Variants in ABLIM2 observed in about 807,000 individuals in gnomAD.
ABLIM2 encodes actin-binding LIM protein 2.
Under a neutral mutation model 97.7 loss-of-function variants are expected in ABLIM2, and 53 were observed. The ratio of observed to expected loss-of-function variants is 0.54; its 90% CI spans 0.44 to 0.68. The LOEUF (loss-of-function observed/expected upper bound fraction) is 0.68. Ranked by LOEUF, ABLIM2 falls within the 30% of genes least tolerant of loss-of-function variation. ABLIM2 has a pLI of 0.00. For missense variants in ABLIM2, 835 were observed against 867.2 expected (o/e 0.96, Z 0.47); for synonymous variants, 361 against 345.8 (o/e 1.04, Z -0.49).
chr4:8,009,044 C>T lies in ABLIM2; in HGVS notation c.1476+6G>A. On this transcript the variant is annotated splice_donor_region_variant and intron_variant, in intron 15 of 20. Transcript: ENST00000447017. ...GTTCTCAGCCAGATCTGCTCCCTGGCATTACCTTCCTGTTATCCTGGTCCA... is the reference window on the plus strand; with the variant it reads ...GTTCTCAGCCAGATCTGCTCCCTGGTATTACCTTCCTGTTATCCTGGTCCA... The T allele has an allele frequency of 1.2e-6, 2 of 1,614,028 alleles. No homozygotes were observed. Among genetic ancestry groups the T allele is most frequent in the South Asian group, 2.2e-5 (2 of 91,082 alleles).
chr4:8,141,396 C>T (rs1850968149), intron 1 of ABLIM2, among the ~76,000 whole-genome samples: 1 of 152,238 alleles, frequency 6.6e-6, no homozygotes, highest in Non-Finnish European at 1.5e-5. Context: ...ATGCCTCCTT[C>T]ACAGCTTTCC....
Position 8,023,255 on chromosome 4 carries a change from G to C in ABLIM2, c.1268-2952C>G, listed in dbSNP as rs999307231. 6.6e-6 allele frequency: 1 copy of C among 152,230 alleles called. No homozygotes were observed. Among genetic ancestry groups the C allele is most frequent in the Non-Finnish European group, 1.5e-5 (1 of 68,064 alleles). 9.4% of individuals were successfully genotyped at this position (152,230 alleles called of 1,614,324 possible). On this transcript the variant is annotated intron_variant, in intron 12 of 20. Transcript: ENST00000447017. This position sits in a 1 kb window ranked among gnomAD's most constrained non-coding sequence, Gnocchi z 5.7. The stretch of plus-strand genomic sequence containing the variant: ...GCCGCACGGGATTCGGGTTTCCCCG[G>C]GTGTCACCTGATGTTCTTCCGCTCC...
chr4:8,025,454 T>C (rs1776693748), intron 12 of ABLIM2, among the ~76,000 whole-genome samples: 1 of 151,350 alleles, frequency 6.6e-6, no homozygotes. Context: ...AAACTGGTGG[T>C]GGGTAGGTGG....
chr4:8,076,514 C>A lies in ABLIM2; in HGVS notation c.675+1114G>T, dbSNP rs1816101124. On this transcript the variant is annotated intron_variant, in intron 6 of 20. Coordinates refer to ENST00000447017, the MANE Select transcript of ABLIM2 (RefSeq NM_001130083.2). The stretch of plus-strand genomic sequence containing the variant: ...CCTTCCTCAGTGCCCCTCCCTACAG[C>A]CTCATCCCCAGCCCCACCCTATCCT... Among the ~76,000 whole-genome samples, 3 of 152,132 alleles carry A rather than the reference C, an allele frequency of 2.0e-5. No individual in the cohort carries two copies. In the South Asian group the frequency reaches 6.2e-4, roughly 32 times the overall value.
chr4:8,036,412 C>A lies in ABLIM2; in HGVS notation c.901-117G>T, dbSNP rs1784496973. The A allele has an allele frequency of 2.0e-5, 26 of 1,270,916 alleles. 1 individual carries two copies. The South Asian group carries it at 3.4e-4, about 17-fold the overall frequency. 78.7% of individuals were successfully genotyped at this position (1,270,916 alleles called of 1,614,324 possible). A position where few individuals can be genotyped will look rare whatever the true frequency, so the allele number is the denominator to read the frequency against. On this transcript the variant is annotated intron_variant, in intron 9 of 20. Transcript: ENST00000447017. ...TGCCCCCAAAGCCAGATGCATCCCA[C>A]AGGACAGTGCCCCCAAAGCCAGATG... is the stretch of plus-strand genomic sequence containing the variant.
rs150842671 is a variant in ABLIM2 at position 8,156,879 on chromosome 4, C to A, written c.10+1801G>T. ...CTGTGTGGGTGGAATGCCTGCTGTG[C>A]GCATCATCGGCTGGGGACAGGGCTG... On this transcript the variant is annotated intron_variant, in intron 1 of 20. Transcript: ENST00000447017. Among the ~76,000 whole-genome samples, 1,013 of 152,336 alleles carry A rather than the reference C, an allele frequency of 6.6e-3. 8 individuals carry two copies. The highest frequency in any genetic ancestry group is 0.023 in the African/African-American group (964 of 41,574).
At chr4:8,079,706 C>T (rs1203754725) in intron 5 of ABLIM2, among the ~76,000 whole-genome samples, 1 of 152,122 alleles carries the variant, frequency 6.6e-6, no homozygotes, top group African/African-American at 2.4e-5. Flanking sequence ...CATCCACCGA[C>T]GTGATTCAGG....
rs201934782 is a variant in ABLIM2 at position 8,020,318 on chromosome 4, G to T, written c.1268-15C>A. 3.7e-5 allele frequency: 60 copies of T among 1,605,550 alleles called. No individual in the cohort carries two copies. The highest frequency in any genetic ancestry group is 1.7e-4 in the Middle Eastern group (1 of 6,052). On this transcript the variant is annotated splice_polypyrimidine_tract_variant and intron_variant, in intron 12 of 20. Transcript: ENST00000447017. ...ACTTTCACTGCCTCCAGACGGAAGGGCAAAGGCAGCAGATAGAAGGGGAAA... is the reference window on the plus strand; with the variant it reads ...ACTTTCACTGCCTCCAGACGGAAGGTCAAAGGCAGCAGATAGAAGGGGAAA...
At chr4:7,997,470 G>T (rs1398752379) in intron 16 of ABLIM2, among the ~76,000 whole-genome samples, 1 of 152,172 alleles carries the variant, frequency 6.6e-6, no homozygotes, top group Non-Finnish European at 1.5e-5. Context: ...CTGAGGCTCT[G>T]TTAATTTTTC....
chr4:8,143,103 C>T (rs958730273), intron 1 of ABLIM2, among the ~76,000 whole-genome samples: 7 of 144,138 alleles, frequency 4.9e-5, no homozygotes, highest in East Asian at 4.2e-4. Flanking sequence ...CATGGCTAAA[C>T]GTCTTGAAAA....
intron 20 of ABLIM2, among the ~76,000 whole-genome samples, chr4:7,973,814 T>A (rs1730321570): frequency 6.6e-6 from 1 of 152,064 alleles, no homozygotes; most frequent in African/African-American, 2.4e-5. Context: ...CGTTCTGAGA[T>A]GGCTGAGCTG....
intron 1 of ABLIM2, among the ~76,000 whole-genome samples, chr4:8,115,055 C>T (rs11944688): frequency 0.58 from 88,513 of 152,092 alleles, 26,616 homozygotes; most frequent in South Asian, 0.79. Context: ...GGCCAGACCA[C>T]GGGTCCCTGA....
At chr4:8,029,446 C>T (rs1480248631) in intron 11 of ABLIM2, among the ~76,000 whole-genome samples, 1 of 152,180 alleles carries the variant, frequency 6.6e-6, no homozygotes, top group Non-Finnish European at 1.5e-5. Flanking sequence ...GCTCACCTCG[C>T]CCCAAGGCAT....
chr4:8,138,824 A>G (rs1254547606), intron 1 of ABLIM2, among the ~76,000 whole-genome samples: 1 of 152,262 alleles, frequency 6.6e-6, no homozygotes, highest in Non-Finnish European at 1.5e-5. Context: ...TGACAAAAAC[A>G]TCAAAAGCAA....
intron 2 of ABLIM2, among the ~76,000 whole-genome samples, chr4:8,098,646 G>A (rs1234799080): frequency 1.3e-5 from 2 of 152,174 alleles, no homozygotes; most frequent in Non-Finnish European, 2.9e-5. Context: ...TGCCGGAGCT[G>A]CCGGGATTCG....
At chr4:8,008,928 G>A (rs543706108) in intron 15 of ABLIM2, 122 bp downstream of exon 15, 22 of 1,183,352 alleles carry the variant, frequency 1.9e-5, no homozygotes, top group Non-Finnish European at 2.2e-5. Flanking sequence ...CTTTGGCCTC[G>A]CAGGGCCCCT....
At chr4:8,038,497 G>C (rs531011561) in intron 9 of ABLIM2, among the ~76,000 whole-genome samples, 1 of 152,248 alleles carries the variant, frequency 6.6e-6, no homozygotes, top group South Asian at 2.1e-4. Context: ...ACCCTAAGCT[G>C]TCTCTTCCCC....
intron 11 of ABLIM2, 57 bp from the exon 12 acceptor site, chr4:8,027,914 C>T: frequency 8.0e-7 from 1 of 1,249,322 alleles, no homozygotes; most frequent in African/African-American, 1.5e-5. Flanking sequence ...TGCAACGCCA[C>T]ACATATTCCT....
At chr4:8,094,341 C>G (rs34109949) in intron 3 of ABLIM2, among the ~76,000 whole-genome samples, 15,200 of 152,160 alleles carry the variant, frequency 0.1, 1,512 homozygotes, top group African/African-American at 0.26. Context: ...CCTCAAACAC[C>G]GAGTTAAAGA....
Sources: gnomAD v4.1 joint callset for allele counts (sites outside exome capture counted in the v4.1 genomes callset) on GRCh38, gnomAD v4.1.1 for gene constraint, Gnocchi (gnomAD v3.1) non-coding constraint, MANE v1.5 for transcripts, NCBI Gene and HGNC (gene_info 2026-07-23, HGNC 2026-07-21) for gene names.